Variants in SPTY2D1 observed in about 807,000 individuals in gnomAD.
The protein encoded by SPTY2D1 is SPT2 chromatin protein domain containing 1, also known as protein SPT2 homolog.
SPTY2D1 carries 21 observed loss-of-function variants against 64.0 expected under a neutral mutation model. The observed-to-expected ratio is 0.33, with a 90% CI of 0.23 to 0.47. The LOEUF (loss-of-function observed/expected upper bound fraction) is 0.47. Ranked by LOEUF, SPTY2D1 falls within the 20% of genes least tolerant of loss-of-function variation. SPTY2D1 has a pLI of 1.00. For synonymous variants in SPTY2D1, 287 were observed against 286.8 expected, an observed-to-expected ratio of 1.00 and a Z score of -0.01; for missense variants, 724 against 837.2, an observed-to-expected ratio of 0.86 and a Z score of 1.67.
At chr11:18,627,153 C>T (rs1854511149) in intron 1 of SPTY2D1, among the ~76,000 whole-genome samples, 1 of 150,994 alleles carries the variant, frequency 6.6e-6, no homozygotes, top group Non-Finnish European at 1.5e-5. Flanking sequence ...TGGCTCATGT[C>T]TATAATCCCA....
Position 18,609,599 on chromosome 11 carries a change from T to G in SPTY2D1, c.*262A>C, listed in dbSNP as rs1449706144. The stretch of plus-strand genomic sequence containing the variant: ...GCCCCACATTAGAGTGCATAGCTCA[T>G]CAGGATCAAGGCTGGCATCTGTGAA... On this transcript the variant is annotated 3_prime_UTR_variant, in exon 6 of 6. Coordinates refer to ENST00000336349, the MANE Select transcript of SPTY2D1 (RefSeq NM_194285.3). 2.2e-6 allele frequency: 1 copy of G among 465,086 alleles called. No individual in the cohort carries two copies. The highest frequency in any genetic ancestry group is 2.0e-5 in the African/African-American group (1 of 50,746). The allele number at this position is 465,086 out of a possible 1,614,324, so 28.8% of individuals were successfully genotyped here.
At chr11:18,626,719 T>C (rs144396058) in intron 1 of SPTY2D1, among the ~76,000 whole-genome samples, 220 of 152,344 alleles carry the variant, frequency 1.4e-3, no homozygotes, top group African/African-American at 4.8e-3. Flanking sequence ...ATTAAATTAA[T>C]ATATAAAGTG....
At chr11:18,625,966 C>T (rs557214980) in intron 1 of SPTY2D1, among the ~76,000 whole-genome samples, 2 of 152,046 alleles carry the variant, frequency 1.3e-5, no homozygotes, top group African/African-American at 4.8e-5. Context: ...ATTATAGGCA[C>T]CTGCCACCAC....
chr11:18,619,553 T>G (rs904961429), intron 1 of SPTY2D1, among the ~76,000 whole-genome samples: 9 of 150,500 alleles, frequency 6.0e-5, no homozygotes, highest in African/African-American at 2.0e-4. Flanking sequence ...GGTCAGGAGA[T>G]CGAGACCATC....
rs201275212 is a variant in SPTY2D1 at position 18,630,312 on chromosome 11, T to C, written c.60+3886A>G. ...CAACATGGTGAAACCCCATCTCTACTAAAAATACAAAAATTAGCTGGGTGT... is the reference window on the plus strand; with the variant it reads ...CAACATGGTGAAACCCCATCTCTACCAAAAATACAAAAATTAGCTGGGTGT... On this transcript the variant is annotated intron_variant, in intron 1 of 5. Coordinates refer to ENST00000336349, the MANE Select transcript of SPTY2D1 (RefSeq NM_194285.3). Among the ~76,000 whole-genome samples, 6 of 151,984 alleles carry C rather than the reference T, an allele frequency of 3.9e-5. No individual in the cohort carries two copies. The East Asian group carries it at 1.2e-3, about 29-fold the overall frequency.
intron 1 of SPTY2D1, among the ~76,000 whole-genome samples, chr11:18,623,724 C>T (rs1321652334): frequency 3.3e-5 from 5 of 152,176 alleles, no homozygotes; most frequent in Admixed American, 1.3e-4. Context: ...CTGGCCTGCC[C>T]GAGAAATTTC....
intron 1 of SPTY2D1, among the ~76,000 whole-genome samples, chr11:18,627,949 G>A (rs1332148209): frequency 1.3e-5 from 2 of 152,140 alleles, no homozygotes; most frequent in African/African-American, 4.8e-5. Flanking sequence ...TCGGGAGTCT[G>A]AGGCAGGAGA....
At position 18,608,753 on chromosome 11, in the gene SPTY2D1, G is replaced by A. The variant is rs556127774; in HGVS notation, c.*1108C>T. The A allele has an allele frequency of 1.3e-5, 2 of 152,608 alleles. No homozygotes were observed. Among genetic ancestry groups the A allele is most frequent in the East Asian group, 1.9e-4 (1 of 5,182 alleles). The allele number at this position is 152,608 out of a possible 1,614,324, so 9.5% of individuals were successfully genotyped here. A position where few individuals can be genotyped will look rare whatever the true frequency, so the allele number is the denominator to read the frequency against. On this transcript the variant is annotated 3_prime_UTR_variant, in exon 6 of 6. Transcript: ENST00000336349. ...AGTTTCCACAGCTCAGTAAAATAACGATAACAGGGAACATCCCTTCCTACC... is the reference window on the plus strand; with the variant it reads ...AGTTTCCACAGCTCAGTAAAATAACAATAACAGGGAACATCCCTTCCTACC...
At chr11:18,631,653 C>CA (rs1854591550) in intron 1 of SPTY2D1, among the ~76,000 whole-genome samples, 1 of 135,334 alleles carries the variant, frequency 7.4e-6, no homozygotes, top group African/African-American at 2.9e-5. Flanking sequence ...AAATAGATGG[C>CA]AAAAAAAGAA....
chr11:18,632,349 C>G, intron 1 of SPTY2D1, among the ~76,000 whole-genome samples: 1 of 151,390 alleles, frequency 6.6e-6, no homozygotes, highest in Non-Finnish European at 1.5e-5. Flanking sequence ...GCTATATTAT[C>G]TATTGATTTT....
In SPTY2D1 at chr11:18,615,194, G is replaced by A. The variant is rs1854275587; in HGVS notation, c.1080C>T (p.His360=). Residue 360 remains histidine (H), a synonymous_variant, in exon 3 of 6, where the codon CAC becomes CAT. Transcript: ENST00000336349. Reference sequence around the variant, plus strand: ...TGACACCTGGACTCTTAGCCTTATTGTGTGGGGTGACCATGGGCCCAGGCC... The same window carrying A: ...TGACACCTGGACTCTTAGCCTTATTATGTGGGGTGACCATGGGCCCAGGCC... The part of the protein sequence containing the change: ...HSRPGPMVTP[H]NKAKSPGVRQ... 1 of 1,614,128 alleles carries A rather than the reference G, an allele frequency of 6.2e-7. No individual in the cohort carries two copies. Among genetic ancestry groups the A allele is most frequent in the African/African-American group, 1.3e-5 (1 of 74,942 alleles).
Position 18,615,890 on chromosome 11 carries a change from C to T in SPTY2D1, c.384G>A (p.Glu128=), listed in dbSNP as rs763799709. 6.2e-7 allele frequency: 1 copy of T among 1,614,092 alleles called. No homozygotes were observed. The highest frequency in any genetic ancestry group is 8.5e-7 in the Non-Finnish European group (1 of 1,180,024). Residue 128 remains glutamate (E), a synonymous_variant, in exon 3 of 6, where the codon GAG becomes GAA. Transcript: ENST00000336349. The part of the protein sequence containing the change: ...GTDREYEMEE[E]NEFLEYNHAE... ...CGTGATTGTACTCGAGGAATTCATT[C>T]TCTTCTTCCATTTCATACTCTCGGT... is the stretch of plus-strand genomic sequence containing the variant.
chr11:18,606,916 A>G lies in SPTY2D1; in HGVS notation c.*2945T>C, dbSNP rs1027795434. 1.2e-5 allele frequency: 4 copies of G among 323,910 alleles called. No homozygotes were observed. Among genetic ancestry groups the G allele is most frequent in the African/African-American group, 9.3e-5 (4 of 43,066 alleles). 20.1% of individuals were successfully genotyped at this position (323,910 alleles called of 1,614,324 possible). On this transcript the variant is annotated 3_prime_UTR_variant, in exon 6 of 6. Coordinates refer to ENST00000336349, the MANE Select transcript of SPTY2D1 (RefSeq NM_194285.3). Reference sequence around the variant, plus strand: ...CGCTCTGTCACCCAGCCTGGAGTGCAGTGGTGCTATCTTGGCTGACTGCAA... The same window carrying G: ...CGCTCTGTCACCCAGCCTGGAGTGCGGTGGTGCTATCTTGGCTGACTGCAA...
chr11:18,614,513 C>A, intron 3 of SPTY2D1, 50 bp downstream of exon 3: 1 of 1,533,320 alleles, frequency 6.5e-7, no homozygotes, highest in Non-Finnish European at 8.8e-7. Context: ...AAACTCTTTC[C>A]AATTTCCTAA....
chr11:18,631,040 C>T (rs1854578910), intron 1 of SPTY2D1, among the ~76,000 whole-genome samples: 1 of 152,082 alleles, frequency 6.6e-6, no homozygotes, highest in African/African-American at 2.4e-5. Flanking sequence ...GGTTTCACCA[C>T]ATTGGCCAGG....
chr11:18,611,230 G>C (rs918457662), intron 5 of SPTY2D1, among the ~76,000 whole-genome samples: 2 of 152,142 alleles, frequency 1.3e-5, no homozygotes, highest in African/African-American at 4.8e-5. Flanking sequence ...ATCACTTGAG[G>C]CCAGGGGTTT....
intron 5 of SPTY2D1, chr11:18,610,329 T>C (rs1014434392): frequency 2.8e-5 from 5 of 177,340 alleles, no homozygotes; most frequent in Admixed American, 1.7e-4. Context: ...GAAAAAGATA[T>C]AGTATTCTGG....
intron 1 of SPTY2D1, among the ~76,000 whole-genome samples, chr11:18,623,406 C>T (rs1296025767): frequency 6.6e-6 from 1 of 152,180 alleles, no homozygotes; most frequent in Non-Finnish European, 1.5e-5. Context: ...TATGCATTTA[C>T]CAATTCTGGA....
chr11:18,629,430 G>A (rs1228271813), intron 1 of SPTY2D1, among the ~76,000 whole-genome samples: 2 of 152,104 alleles, frequency 1.3e-5, no homozygotes, highest in Non-Finnish European at 2.9e-5. Context: ...CTTGACCCCG[G>A]GTGGCAGAGG....
Sources: gnomAD v4.1 joint callset for allele counts (sites outside exome capture counted in the v4.1 genomes callset) on GRCh38, gnomAD v4.1.1 for gene constraint, MANE v1.5 for transcripts, NCBI Gene and HGNC (gene_info 2026-07-23, HGNC 2026-07-21) for gene names.